PCSK6: variants seen among roughly 807,000 people sequenced by gnomAD.
PCSK6 encodes the protein proprotein convertase subtilisin/kexin type 6.
PCSK6 carries 85 observed loss-of-function variants against 123.3 expected under a neutral mutation model. The ratio of observed to expected loss-of-function variants is 0.69; its 90% CI spans 0.58 to 0.83. The LOEUF (loss-of-function observed/expected upper bound fraction) is 0.83. Ranked by LOEUF, PCSK6 falls within the 40% of genes least tolerant of loss-of-function variation. The pLI is 0.00. For missense variants in PCSK6, 1,191 were observed against 1,282.3 expected (o/e 0.93, Z 1.09); for synonymous variants, 508 against 516.0 (o/e 0.98, Z 0.21).
intron 1 of PCSK6, among the ~76,000 whole-genome samples, chr15:101,455,553 G>C (rs2057157470): frequency 6.6e-6 from 1 of 152,208 alleles, no homozygotes; most frequent in Non-Finnish European, 1.5e-5. Context: ...TATCCCAAAT[G>C]ATGGCTTCAA....
chr15:101,307,277 G>C lies in PCSK6; in HGVS notation c.2748C>G (p.Ser916Arg), dbSNP rs375443410. The change falls in exon 21 of 22, where the codon AGC (serine) becomes AGG (arginine). Residue 916 changes from serine (S) to arginine (R), a missense_variant. By Grantham distance (110) the Ser-to-Arg change is moderately radical. Coordinates refer to ENST00000611716, the MANE Select transcript of PCSK6 (RefSeq NM_002570.5). Reference sequence around the variant, plus strand: ...GCTGTGTGAAGCCCGTCTTACACCTGCTACAGTTCCTGCTGGAGCCTGCAC... The same window carrying C: ...GCTGTGTGAAGCCCGTCTTACACCTCCTACAGTTCCTGCTGGAGCCTGCAC... ...LSCAGSSRNC[S>R]RCKTGFTQLG... 1.1e-5 allele frequency: 17 copies of C among 1,613,674 alleles called. No homozygotes were observed. The highest frequency in any genetic ancestry group is 1.1e-5 in the Non-Finnish European group (13 of 1,179,816).
chr15:101,419,231 A>G (rs1596314162), intron 6 of PCSK6, among the ~76,000 whole-genome samples: 1 of 152,314 alleles, frequency 6.6e-6, no homozygotes, highest in East Asian at 1.9e-4. Context: ...AACAGCACCC[A>G]CAGAGATCAA....
chr15:101,310,420 C>T (rs1002958222), intron 20 of PCSK6, among the ~76,000 whole-genome samples: 1 of 152,262 alleles, frequency 6.6e-6, no homozygotes. Flanking sequence ...GCATGATCAG[C>T]ATGCCCTGAA....
chr15:101,320,321 A>T (rs990037559), intron 18 of PCSK6, among the ~76,000 whole-genome samples: 1 of 152,140 alleles, frequency 6.6e-6, no homozygotes, highest in Non-Finnish European at 1.5e-5. Flanking sequence ...CCTAGCCTCA[A>T]GTGATCTGCC....
chr15:101,314,546 C>T (rs1050395700), intron 19 of PCSK6, among the ~76,000 whole-genome samples: 2 of 152,176 alleles, frequency 1.3e-5, no homozygotes, highest in African/African-American at 4.8e-5. Context: ...CCTCTCGCTG[C>T]ATCAAGGGAA....
At chr15:101,448,437 G>C (rs1011444214) in intron 1 of PCSK6, among the ~76,000 whole-genome samples, 4 of 152,164 alleles carry the variant, frequency 2.6e-5, no homozygotes, top group African/African-American at 9.7e-5. Context: ...AGGTACAAAA[G>C]GGTACAGAGT....
intron 1 of PCSK6, among the ~76,000 whole-genome samples, chr15:101,474,293 T>A (rs1335579108): frequency 6.6e-6 from 1 of 152,132 alleles, no homozygotes; most frequent in African/African-American, 2.4e-5. Context: ...CACACCTAAA[T>A]AAACTCCAAC....
At chr15:101,309,625 C>T (rs1023362914) in intron 20 of PCSK6, among the ~76,000 whole-genome samples, 23 of 152,230 alleles carry the variant, frequency 1.5e-4, no homozygotes, top group South Asian at 2.1e-4. Flanking sequence ...CCAGCCTGGA[C>T]GCAGCATGCG....
chr15:101,322,622 CGA>C lies in PCSK6; in HGVS notation c.2378-17_2378-16del. ...ATTTTTCTGACCTGGAGAAAAATAG[CGA>C]GATAAGAAAAGAGAAGGGACGACAC... On this transcript the variant is annotated splice_polypyrimidine_tract_variant and intron_variant, in intron 17 of 21. Transcript: ENST00000611716. 2 of 1,546,770 alleles carry C rather than the reference CGA, an allele frequency of 1.3e-6. No homozygotes were observed. Among genetic ancestry groups the C allele is most frequent in the Non-Finnish European group, 8.9e-7 (1 of 1,119,136 alleles).
intron 1 of PCSK6, among the ~76,000 whole-genome samples, chr15:101,483,912 C>T (rs896739431): frequency 2.0e-5 from 3 of 152,208 alleles, no homozygotes; most frequent in African/African-American, 7.2e-5. Flanking sequence ...CTGCCTCCAG[C>T]GGTGGGCTTC....
At chr15:101,337,509 A>G (rs2040508712) in intron 13 of PCSK6, 1 of 152,246 alleles carries the variant, frequency 6.6e-6, no homozygotes, top group African/African-American at 2.4e-5. Flanking sequence ...AAAGAAAAAT[A>G]AAAATAAATC....
intron 8 of PCSK6, among the ~76,000 whole-genome samples, chr15:101,390,592 T>A (rs191351046): frequency 6.6e-6 from 1 of 152,184 alleles, no homozygotes; most frequent in African/African-American, 2.4e-5. Context: ...AGTAAGCCAA[T>A]GAATGTGGGT....
chr15:101,387,166 C>A (rs1304447120), intron 9 of PCSK6, among the ~76,000 whole-genome samples: 1 of 152,230 alleles, frequency 6.6e-6, no homozygotes, highest in East Asian at 1.9e-4. Flanking sequence ...CCAGGCACAC[C>A]TGTTCTCCTC....
intron 1 of PCSK6, among the ~76,000 whole-genome samples, chr15:101,483,697 C>T (rs2057947821): frequency 6.6e-6 from 1 of 152,240 alleles, no homozygotes. Context: ...GGTGACAATG[C>T]ACACAGGTTA....
At chr15:101,469,835 TC>T (rs566077746) in intron 1 of PCSK6, among the ~76,000 whole-genome samples, 46 of 152,328 alleles carry the variant, frequency 3.0e-4, no homozygotes, top group African/African-American at 1.0e-3. Flanking sequence ...TGAAATCTTC[TC>T]CGTGACACTT....
At chr15:101,433,303 T>C (rs1213735112) in intron 2 of PCSK6, among the ~76,000 whole-genome samples, 1 of 152,232 alleles carries the variant, frequency 6.6e-6, no homozygotes, top group African/African-American at 2.4e-5. Context: ...GCTCTTATCA[T>C]CCCGTGTACA....
chr15:101,375,800 T>A (rs1281840425), intron 11 of PCSK6, among the ~76,000 whole-genome samples: 1 of 152,166 alleles, frequency 6.6e-6, no homozygotes, highest in African/African-American at 2.4e-5. Flanking sequence ...TTTGAGAGGC[T>A]GAGGTGGGTG....
intron 18 of PCSK6, among the ~76,000 whole-genome samples, chr15:101,321,233 C>T (rs117344830): frequency 0.017 from 2,642 of 152,306 alleles, 39 homozygotes; most frequent in Non-Finnish European, 0.026. Flanking sequence ...GGATCCCTTT[C>T]CTGGGCCAGT....
chr15:101,482,050 G>A (rs1287743614), intron 1 of PCSK6, among the ~76,000 whole-genome samples: 2 of 152,268 alleles, frequency 1.3e-5, no homozygotes, highest in African/African-American at 4.8e-5. Context: ...GCGGCTGGTG[G>A]GGTCTCCGGA....
Sources: allele counts gnomAD v4.1 joint callset (sites outside exome capture counted in the v4.1 genomes callset), GRCh38; gene constraint gnomAD v4.1.1; transcripts MANE v1.5; gene names NCBI Gene and HGNC (gene_info 2026-07-23, HGNC 2026-07-21).